ANK1: variants seen among roughly 807,000 people sequenced by gnomAD.
ANK1 encodes ankyrin 1.
A neutral mutation model predicts 210.4 loss-of-function variants in ANK1; 51 were observed. The observed-to-expected ratio is 0.24, with a 90% CI of 0.19 to 0.31. The LOEUF (loss-of-function observed/expected upper bound fraction) is 0.31, where lower values mean the gene tolerates loss of function less well. Among genes scored for constraint, ANK1 ranks in the 10% least tolerant of loss-of-function variants. The pLI is 1.00. For missense variants in ANK1, 2,051 were observed against 2,504.4 expected, an observed-to-expected ratio of 0.82 and a Z score of 3.86; for synonymous variants, 967 against 1,025.9, an observed-to-expected ratio of 0.94 and a Z score of 1.10.
intron 1 of ANK1, among the ~76,000 whole-genome samples, chr8:41,768,783 G>A (rs1347873377): frequency 2.2e-5 from 3 of 138,780 alleles, no homozygotes; most frequent in Admixed American, 1.5e-4. Context: ...GCAACATAGT[G>A]AGACCCCCTG....
chr8:41,827,702 TCACAC>T (rs1805644844), intron 1 of ANK1, among the ~76,000 whole-genome samples: 1 of 122,990 alleles, frequency 8.1e-6, no homozygotes, highest in Non-Finnish European at 1.8e-5. Flanking sequence ...TCACACACAC[TCACAC>T]GCACACCCAC....
At chr8:41,716,360 C>G (rs931172220) in intron 13 of ANK1, among the ~76,000 whole-genome samples, 2 of 152,064 alleles carry the variant, frequency 1.3e-5, no homozygotes, top group African/African-American at 2.4e-5. Flanking sequence ...CACACCCCCC[C>G]ACTTCCTGTT....
At chr8:41,860,644 C>T (rs1389951913) in intron 1 of ANK1, among the ~76,000 whole-genome samples, 2 of 152,312 alleles carry the variant, frequency 1.3e-5, no homozygotes, top group East Asian at 1.9e-4. Flanking sequence ...AGGATGAATA[C>T]AGGCAAGTGT....
At position 41,767,699 on chromosome 8, in the gene ANK1, AG is replaced by A. The variant is rs1842154416; in HGVS notation, c.28-9563del. Among the ~76,000 whole-genome samples, 3 of 152,094 alleles carry A rather than the reference AG, an allele frequency of 2.0e-5. 1 individual carries two copies. Among genetic ancestry groups the A allele is most frequent in the East Asian group, 1.9e-4 (1 of 5,164 alleles). ...CGGGCGGGGGTGCAGCCCCAGCTGC[AG>A]GTGCCGGCCGGCGGGCTCGGGGCGG... On this transcript the variant is annotated intron_variant, in intron 1 of 42. Transcript: ENST00000289734.
chr8:41,868,212 C>T (rs946644220), intron 1 of ANK1, among the ~76,000 whole-genome samples: 2 of 152,246 alleles, frequency 1.3e-5, no homozygotes, highest in African/African-American at 4.8e-5. Flanking sequence ...CAGGGTTTCT[C>T]AACCTCAGCA....
In ANK1 at chr8:41,736,925, G is replaced by A. The variant is rs776084502; in HGVS notation, c.130-2856C>T. 5.9e-5 allele frequency among the ~76,000 whole-genome samples: 9 copies of A among 152,268 alleles called. No homozygotes were observed. The South Asian group carries it at 6.2e-4, about 11-fold the overall frequency. On this transcript the variant is annotated intron_variant, in intron 2 of 42. Transcript: ENST00000289734. ...AAACGATTGGCAGAGGCCATGCAGC[G>A]TCTCCAGGGCACAGCCACACACAGG...
intron 1 of ANK1, among the ~76,000 whole-genome samples, 200 bp from the exon 2 acceptor site, chr8:41,758,337 TTTTG>T (rs1414807074): frequency 7.9e-5 from 12 of 152,030 alleles, no homozygotes; most frequent in Non-Finnish European, 1.8e-4. Context: ...TCCTTTGGTT[TTTTG>T]TTTTTTGTTT....
At chr8:41,857,526 G>A (rs1812431033) in intron 1 of ANK1, among the ~76,000 whole-genome samples, 1 of 151,320 alleles carries the variant, frequency 6.6e-6, no homozygotes, top group Non-Finnish European at 1.5e-5. Flanking sequence ...ATCACCTGAG[G>A]TTGGGAGTTC....
rs1554630992 is a variant in ANK1, at chr8:41,803,078, A to AGGAAGGAAGGGAAGGGAAG, written c.127-44942_127-44941insCTTCCCTTCCCTTCCTTCC. On this transcript the variant is annotated intron_variant, in intron 1 of 42. Transcript: ENST00000265709. Reference sequence around the variant, plus strand: ...AAGAGAGAAAGGAAGGAAGGAAGGAAGGAAGGGAAGGAAAGGAAAGGAAAG... The same window carrying AGGAAGGAAGGGAAGGGAAG: ...AAGAGAGAAAGGAAGGAAGGAAGGAAGGAAGGAAGGGAAGGGAAGGGAAGGGAAGGAAAGGAAAGGAAAG... Among the ~76,000 whole-genome samples the AGGAAGGAAGGGAAGGGAAG allele has an allele frequency of 1.6e-4, 12 of 74,958 alleles. 2 individuals are homozygous for AGGAAGGAAGGGAAGGGAAG. Among genetic ancestry groups the AGGAAGGAAGGGAAGGGAAG allele is most frequent in the Admixed American group, 6.0e-4 (4 of 6,650 alleles). 49.2% of individuals were successfully genotyped at this position (74,958 alleles called of 152,430 possible). A position where few individuals can be genotyped will look rare whatever the true frequency, so the allele number is the denominator to read the frequency against.
intron 1 of ANK1, among the ~76,000 whole-genome samples, chr8:41,830,797 T>C (rs1462783820): frequency 6.6e-6 from 1 of 152,164 alleles, no homozygotes; most frequent in Non-Finnish European, 1.5e-5. Flanking sequence ...ATTTGGTAGA[T>C]GAATCATTGA....
At chr8:41,745,167 G>GGGGC (rs1835807231) in intron 2 of ANK1, among the ~76,000 whole-genome samples, 1 of 152,160 alleles carries the variant, frequency 6.6e-6, no homozygotes, top group African/African-American at 2.4e-5. Context: ...GAAAGAAGAA[G>GGGGC]GGGCGGGGAG....
At chr8:41,761,833 G>C (rs1384657969) in intron 1 of ANK1, among the ~76,000 whole-genome samples, 1 of 152,090 alleles carries the variant, frequency 6.6e-6, no homozygotes, top group East Asian at 1.9e-4. Flanking sequence ...CTTCCAGACA[G>C]GGGGTCCTCC....
intron 16 of ANK1, among the ~76,000 whole-genome samples, chr8:41,713,068 G>A (rs1586354738): frequency 6.6e-6 from 1 of 152,356 alleles, no homozygotes; most frequent in Non-Finnish European, 1.5e-5. Context: ...ACGCGCCGAA[G>A]CCCTGCACTG....
At chr8:41,738,202 T>TGTATCTGA (rs143037248) in intron 2 of ANK1, among the ~76,000 whole-genome samples, 75,245 of 151,398 alleles carry the variant, frequency 0.5, 20,375 homozygotes, top group East Asian at 0.77. Context: ...AGATGAGAAG[T>TGTATCTGA]GTTTAGATTC....
chr8:41,702,047 C>T lies in ANK1; in HGVS notation c.2388+5G>A. 6.2e-7 allele frequency: 1 copy of T among 1,613,036 alleles called. No homozygotes were observed. On this transcript the variant is annotated splice_donor_5th_base_variant and intron_variant, in intron 21 of 42. Coordinates refer to ENST00000289734, the MANE Select transcript of ANK1 (RefSeq NM_000037.4). ...GGGGTGGGTGCGGGGGAGAGGCAGA[C>T]ATACCACGAAACTGGTTTCATCCGT... is the stretch of plus-strand genomic sequence containing the variant.
intron 37 of ANK1, among the ~76,000 whole-genome samples, chr8:41,677,571 T>A (rs1016306826): frequency 1.4e-5 from 2 of 147,986 alleles, no homozygotes; most frequent in African/African-American, 5.0e-5. Flanking sequence ...GCTTCTGTTG[T>A]TTCTTTTTTT....
At chr8:41,862,660 C>CAAAAA (rs60114930) in intron 1 of ANK1, among the ~76,000 whole-genome samples, 4 of 99,636 alleles carry the variant, frequency 4.0e-5, no homozygotes, top group Non-Finnish European at 4.3e-5. Flanking sequence ...GAGGCTCAGA[C>CAAAAA]AAAAAAAAAA....
chr8:41,663,852 A>C, intron 39 of ANK1, 110 bp from the exon 40 acceptor site: 1 of 874,216 alleles, frequency 1.1e-6, no homozygotes, highest in Non-Finnish European at 1.9e-6. Flanking sequence ...ATGGCCCAAT[A>C]ACTCCCCCAG....
intron 17 of ANK1, among the ~76,000 whole-genome samples, chr8:41,708,549 A>G (rs946503918): frequency 1.3e-5 from 2 of 152,176 alleles, no homozygotes; most frequent in African/African-American, 2.4e-5. Flanking sequence ...AAGATCGGCA[A>G]AGGCTTTGGC....
Sources: gnomAD v4.1 joint callset for allele counts (sites outside exome capture counted in the v4.1 genomes callset) on GRCh38, gnomAD v4.1.1 for gene constraint, MANE v1.5 for transcripts, NCBI Gene and HGNC (gene_info 2026-07-23, HGNC 2026-07-21) for gene names.